The following HNF4G variants were observed in gnomAD, a reference collection of about 807,000 sequenced individuals.
The protein encoded by HNF4G is hepatocyte nuclear factor 4-gamma.
HNF4G carries 21 observed loss-of-function variants against 50.9 expected under a neutral mutation model. That is an observed-to-expected ratio of 0.41 (90% CI 0.29 to 0.59). HNF4G has a LOEUF of 0.59. HNF4G is among the 20% of genes least tolerant of loss of function. The pLI is 0.26. For missense variants in HNF4G, 527 were observed against 559.4 expected (o/e 0.94, Z 0.58); for synonymous variants, 198 against 185.6 (o/e 1.07, Z -0.54).
At chr8:75,462,464 A>T (rs1336741719) in intron 1 of HNF4G, among the ~76,000 whole-genome samples, 1 of 152,200 alleles carries the variant, frequency 6.6e-6, no homozygotes, top group Non-Finnish European at 1.5e-5. Flanking sequence ...GAGCAGGATG[A>T]CATGAAATGT....
At chr8:75,523,226 A>G (rs552927550) in intron 2 of HNF4G, among the ~76,000 whole-genome samples, 1 of 152,104 alleles carries the variant, frequency 6.6e-6, no homozygotes, top group Non-Finnish European at 1.5e-5. Flanking sequence ...TCCGTCTGAA[A>G]AAAAAGAAAA....
chr8:75,442,862 T>C (rs1038535742), intron 1 of HNF4G, among the ~76,000 whole-genome samples: 8 of 152,008 alleles, frequency 5.3e-5, no homozygotes, highest in African/African-American at 7.2e-5. Context: ...CCAGAACAAC[T>C]ATAGAACAAG....
chr8:75,475,824 G>A (rs1237737880), intron 1 of HNF4G, among the ~76,000 whole-genome samples: 1 of 152,078 alleles, frequency 6.6e-6, no homozygotes, highest in African/African-American at 2.4e-5. Flanking sequence ...TTATAGGGTA[G>A]AAACTAAAGT....
intron 1 of HNF4G, among the ~76,000 whole-genome samples, chr8:75,423,815 CTTTTTTTTTTTTT>C (rs548125507): frequency 7.0e-5 from 5 of 71,176 alleles, no homozygotes; most frequent in Admixed American, 2.3e-4. Flanking sequence ...AAGTTTCTTT[CTTTTTTTTTTTTT>C]TTTTTTTTTT....
At chr8:75,480,234 C>A (rs1585880852) in intron 1 of HNF4G, among the ~76,000 whole-genome samples, 1 of 152,164 alleles carries the variant, frequency 6.6e-6, no homozygotes, top group Non-Finnish European at 1.5e-5. Context: ...AAAATTAAAT[C>A]AAACTTTGGG....
intron 1 of HNF4G, among the ~76,000 whole-genome samples, chr8:75,457,694 A>T (rs1042518580): frequency 1.3e-5 from 2 of 152,086 alleles, no homozygotes; most frequent in African/African-American, 4.8e-5. Flanking sequence ...TCTGAAAGGC[A>T]TGTGGAATAT....
intron 2 of HNF4G, among the ~76,000 whole-genome samples, chr8:75,534,363 G>T (rs1437038227): frequency 5.3e-5 from 8 of 151,698 alleles, no homozygotes; most frequent in African/African-American, 1.9e-4. Context: ...TGAATCATAA[G>T]GCAGCTGACC....
intron 1 of HNF4G, among the ~76,000 whole-genome samples, chr8:75,413,177 G>A (rs1810541428): frequency 6.6e-6 from 1 of 151,702 alleles, no homozygotes; most frequent in Admixed American, 6.6e-5. Flanking sequence ...TGTCTGCAAG[G>A]CACCGGGAAG....
chr8:75,489,237 AT>A (rs1384227904), intron 1 of HNF4G, among the ~76,000 whole-genome samples: 1 of 152,182 alleles, frequency 6.6e-6, no homozygotes, highest in African/African-American at 2.4e-5. Context: ...AAGGAAACTT[AT>A]TTTTAAATGT....
chr8:75,528,481 AT>A (rs2130760997), intron 2 of HNF4G, among the ~76,000 whole-genome samples: 1 of 152,276 alleles, frequency 6.6e-6, no homozygotes, highest in African/African-American at 2.4e-5. Context: ...AATAAAAGGC[AT>A]TTTTAGTACT....
intron 5 of HNF4G, among the ~76,000 whole-genome samples, chr8:75,555,743 T>C (rs966104810): frequency 2.0e-5 from 3 of 151,390 alleles, no homozygotes; most frequent in African/African-American, 7.3e-5. Context: ...TTTTTTTTTT[T>C]CTTTCTGCTG....
intron 1 of HNF4G, among the ~76,000 whole-genome samples, chr8:75,477,666 A>G (rs891796068): frequency 6.6e-6 from 1 of 151,722 alleles, no homozygotes; most frequent in Non-Finnish European, 1.5e-5. Context: ...ATATATAAAT[A>G]TATATTTTAA....
chr8:75,541,448 C>T (rs2130784810), intron 1 of HNF4G, among the ~76,000 whole-genome samples: 1 of 152,066 alleles, frequency 6.6e-6, no homozygotes, highest in South Asian at 2.1e-4. Flanking sequence ...TTAATGTTAC[C>T]AGAAGAAAAA....
chr8:75,433,704 T>C (rs932314441), intron 1 of HNF4G, among the ~76,000 whole-genome samples: 1 of 151,610 alleles, frequency 6.6e-6, no homozygotes, highest in Non-Finnish European at 1.5e-5. Flanking sequence ...TAACTGAAGA[T>C]ACAATTTTAA....
intron 1 of HNF4G, among the ~76,000 whole-genome samples, chr8:75,413,404 C>T (rs2980252): frequency 7.0e-6 from 1 of 143,218 alleles, no homozygotes; most frequent in Non-Finnish European, 1.5e-5. Context: ...GGTGAGAAGA[C>T]ATTAGAATCT....
chr8:75,508,166 C>T (rs1308513710), intron 2 of HNF4G, among the ~76,000 whole-genome samples: 2 of 151,946 alleles, frequency 1.3e-5, no homozygotes, highest in Non-Finnish European at 2.9e-5. Flanking sequence ...TTTCTGTATA[C>T]AGAAAAATCC....
At chr8:75,516,629 C>T (rs1805895029) in intron 2 of HNF4G, among the ~76,000 whole-genome samples, 10 of 152,006 alleles carry the variant, frequency 6.6e-5, no homozygotes, top group Admixed American at 6.6e-4. Context: ...GTTTCTGTTT[C>T]TCGTTCTATC....
intron 1 of HNF4G, among the ~76,000 whole-genome samples, chr8:75,415,743 A>T (rs1481005194): frequency 6.6e-6 from 1 of 151,752 alleles, no homozygotes; most frequent in Admixed American, 6.6e-5. Context: ...GGTTTAAGCC[A>T]ATGCCTTTTC....
chr8:75,504,894 CT>C, intron 2 of HNF4G, among the ~76,000 whole-genome samples: 1 of 152,172 alleles, frequency 6.6e-6, no homozygotes, highest in South Asian at 2.1e-4. Context: ...ATCTGTTTCA[CT>C]TTATAATGTT....
Sources: allele counts gnomAD v4.1 joint callset (sites outside exome capture counted in the v4.1 genomes callset), GRCh38; gene constraint gnomAD v4.1.1; transcripts MANE v1.5; gene names NCBI Gene and HGNC (gene_info 2026-07-23, HGNC 2026-07-21).